The following CROCC2 variants were observed in gnomAD, a reference collection of about 807,000 sequenced individuals.
The protein encoded by CROCC2 is ciliary rootlet coiled-coil protein 2.
A neutral mutation model predicts 177.6 loss-of-function variants in CROCC2; 163 were observed. The observed-to-expected ratio is 0.92, with a 90% confidence interval of 0.81 to 1.05. The LOEUF is 1.05. Ranked by LOEUF, CROCC2 falls within the 50% of genes least tolerant of loss-of-function variation. CROCC2 has a pLI of 0.00. For synonymous variants in CROCC2, 904 were observed against 787.3 expected (o/e 1.15, Z -2.48); for missense variants, 1,929 against 1,797.8 (o/e 1.07, Z -1.32).
Position 240,920,110 on chromosome 2 carries a change from C to T in CROCC2, c.357C>T (p.Ser119=). The T allele has an allele frequency of 5.7e-6, 4 of 702,436 alleles. No individual in the cohort carries two copies. Among genetic ancestry groups the T allele is most frequent in the Non-Finnish European group, 7.9e-6 (3 of 378,206 alleles). The allele number at this position is 702,436 out of a possible 1,614,324, so 43.5% of individuals were successfully genotyped here. A position where few individuals can be genotyped will look rare whatever the true frequency, so the allele number is the denominator to read the frequency against. ...QASAERDELA[S]RCRVVSEQLQ... ...GCGCCGAGCGAGATGAGCTGGCCAG[C>T]AGGTGCCGTGTGGTCAGCGAGCAGG... The change falls in exon 3 of 32, where the codon AGC becomes AGT. Residue 119 remains serine (S), a synonymous_variant. Coordinates refer to ENST00000690015, the MANE Select transcript of CROCC2 (RefSeq NM_001351305.2).
intron 20 of CROCC2, among the ~76,000 whole-genome samples, chr2:240,961,662 TACAC>T (rs1460516385): frequency 1.0e-5 from 1 of 99,010 alleles, no homozygotes; most frequent in South Asian, 3.2e-4. Context: ...CACACACACG[TACAC>T]ACACACGTAG....
intron 31 of CROCC2, 109 bp downstream of exon 31, chr2:240,991,387 C>A: frequency 2.1e-6 from 2 of 953,734 alleles, no homozygotes; most frequent in Non-Finnish European, 3.0e-6. Context: ...CTGGGGGAAC[C>A]ACTGTTGGGA....
chr2:240,944,580 C>A (rs1014706034), intron 14 of CROCC2, among the ~76,000 whole-genome samples: 1 of 151,994 alleles, frequency 6.6e-6, no homozygotes, highest in African/African-American at 2.4e-5. Context: ...TCTGTCTAAT[C>A]TGCCATTGTC....
At chr2:240,957,803 A>G (rs2059602484) in intron 19 of CROCC2, among the ~76,000 whole-genome samples, 1 of 151,980 alleles carries the variant, frequency 6.6e-6, no homozygotes, top group South Asian at 2.1e-4. Context: ...GGAGGGTTCC[A>G]CGGGGCCCAG....
intron 1 of CROCC2, among the ~76,000 whole-genome samples, chr2:240,911,383 G>A (rs568722291): frequency 6.9e-6 from 1 of 144,194 alleles, no homozygotes; most frequent in Admixed American, 7.3e-5. Flanking sequence ...AGCAGCCTCC[G>A]CCCTCCCATC....
At chr2:240,957,396 T>G (rs558297621) in intron 19 of CROCC2, 3 of 152,422 alleles carry the variant, frequency 2.0e-5, no homozygotes, top group African/African-American at 7.2e-5. Context: ...CAGTGTGCAG[T>G]GAACAGAACA....
chr2:240,963,295 C>G (rs2059655348), intron 20 of CROCC2: 3 of 503,324 alleles, frequency 6.0e-6, no homozygotes, highest in Non-Finnish European at 1.1e-5. Flanking sequence ...TCCAGAGAGG[C>G]CGCAGCGTGG....
rs1415904233 is a variant in CROCC2, at chr2:240,931,076, A to T, written c.895A>T (p.Met299Leu). The T allele has an allele frequency of 4.2e-6, 3 of 716,058 alleles. No homozygotes were observed. In the East Asian group the frequency reaches 8.0e-5, roughly 19 times the overall value. 44.4% of individuals were successfully genotyped at this position (716,058 alleles called of 1,614,324 possible). A position where few individuals can be genotyped will look rare whatever the true frequency, so the allele number is the denominator to read the frequency against. ...GCAGCTTCGGGACAAGGCTGGGGAG[A>T]TGCTGCAGCTGCAGGGCCGCTGGGA... ...GQQLRDKAGE[M>L]LQLQGRWDAE... is the part of the protein sequence containing the mutation. Residue 299 changes from methionine (M) to leucine (L), a missense_variant, in exon 7 of 32, where the codon ATG (methionine) becomes TTG (leucine). Transcript: ENST00000690015.
At chr2:240,929,799 A>G in intron 5 of CROCC2, 1 of 488,906 alleles carries the variant, frequency 2.0e-6, no homozygotes, top group Non-Finnish European at 4.0e-6. Context: ...AGCAGGGGCC[A>G]GGCCTGGTTC....
Position 240,982,768 on chromosome 2 carries a change from A to G in CROCC2, c.4402-112A>G. 1.1e-6 allele frequency: 1 copy of G among 900,710 alleles called. No homozygotes were observed. The highest frequency in any genetic ancestry group is 1.7e-6 in the Non-Finnish European group (1 of 602,344). The allele number at this position is 900,710 out of a possible 1,614,324, so 55.8% of individuals were successfully genotyped here. A position where few individuals can be genotyped will look rare whatever the true frequency, so the allele number is the denominator to read the frequency against. ...ACCACGTTCTTGCTGTTTTCATCCC[A>G]GCGATACGGTCCTGCCAGACGGTCT... On this transcript the variant is annotated intron_variant, in intron 27 of 31. Transcript: ENST00000690015. This position sits in a 1 kb window ranked among gnomAD's most constrained non-coding sequence, Gnocchi z 4.7.
At position 240,920,112 on chromosome 2, in the gene CROCC2, G is replaced by A; in HGVS notation, c.359G>A (p.Arg120Lys). The change falls in exon 3 of 32, where the codon AGG becomes AAG. Residue 120 changes from arginine (R) to lysine (K), a missense_variant. Arg to Lys is a conservative substitution (Grantham distance 26). Coordinates refer to ENST00000690015, the MANE Select transcript of CROCC2 (RefSeq NM_001351305.2). ...GCCGAGCGAGATGAGCTGGCCAGCAGGTGCCGTGTGGTCAGCGAGCAGGTG... is the reference window on the plus strand; with the variant it reads ...GCCGAGCGAGATGAGCTGGCCAGCAAGTGCCGTGTGGTCAGCGAGCAGGTG... Reference protein sequence around the residue: ...ASAERDELASRCRVVSEQLQA... With the variant: ...ASAERDELASKCRVVSEQLQA... 2 of 699,740 alleles carry A rather than the reference G, an allele frequency of 2.9e-6. No homozygotes were observed. The highest frequency in any genetic ancestry group is 5.3e-6 in the Non-Finnish European group (2 of 376,438). 43.3% of individuals were successfully genotyped at this position (699,740 alleles called of 1,614,324 possible).
Position 240,967,372 on chromosome 2 carries a change from C to T in CROCC2, c.4174C>T (p.Leu1392=), listed in dbSNP as rs945765924. The T allele has an allele frequency of 1.7e-5, 13 of 786,728 alleles. No individual in the cohort carries two copies. The highest frequency in any genetic ancestry group is 2.4e-5 in the Non-Finnish European group (11 of 450,562). The allele number at this position is 786,728 out of a possible 1,614,324, so 48.7% of individuals were successfully genotyped here. The change falls in exon 26 of 32, where the codon CTG becomes TTG. Residue 1392 remains leucine, a synonymous_variant. Transcript: ENST00000690015. ...RDDSRIQMAT[L]SSRLSEAECR... is the part of the protein sequence containing the mutation. ...TGACTCCCGCATCCAGATGGCGACC[C>T]TGAGCAGCCGGCTGAGCGAGGCAGA...
rs2059543048 is a variant in CROCC2 at position 240,949,815 on chromosome 2, C to T, written c.2652+113C>T. On this transcript the variant is annotated intron_variant, in intron 17 of 31. Transcript: ENST00000690015. This position sits in a 1 kb window ranked among gnomAD's most constrained non-coding sequence, Gnocchi z 4.5. ...GAGACAGAGCTCAGAGACATAGGCG[C>T]CTGGCCAGGGCTGGGCAAGGACCAG... 1 of 1,163,198 alleles carries T rather than the reference C, an allele frequency of 8.6e-7. No individual in the cohort carries two copies. Among genetic ancestry groups the T allele is most frequent in the Non-Finnish European group, 1.2e-6 (1 of 836,300 alleles). The allele number at this position is 1,163,198 out of a possible 1,614,324, so 72.1% of individuals were successfully genotyped here.
At chr2:240,961,803 A>ACACTCACACTCACACATG (rs879366140) in intron 20 of CROCC2, among the ~76,000 whole-genome samples, 1 of 76,168 alleles carries the variant, frequency 1.3e-5, no homozygotes, top group Admixed American at 1.3e-4. Flanking sequence ...ACTCACACAT[A>ACACTCACACTCACACATG]CACTCACATA....
intron 28 of CROCC2, among the ~76,000 whole-genome samples, chr2:240,983,928 G>T (rs1351153093): frequency 6.6e-6 from 1 of 152,152 alleles, no homozygotes; most frequent in Non-Finnish European, 1.5e-5. Context: ...CTCCCCAGGG[G>T]TGTGCCCTGC....
chr2:240,941,930 T>C (rs936476120), intron 14 of CROCC2, among the ~76,000 whole-genome samples: 1 of 152,210 alleles, frequency 6.6e-6, no homozygotes, highest in Non-Finnish European at 1.5e-5. Context: ...GCATCATTTG[T>C]GTCTCACTTT....
chr2:240,962,556 G>C (rs555031264), intron 20 of CROCC2, among the ~76,000 whole-genome samples: 1 of 152,148 alleles, frequency 6.6e-6, no homozygotes, highest in Non-Finnish European at 1.5e-5. Context: ...CGGCAGCCTC[G>C]GGAGCCAGGC....
intron 15 of CROCC2, 49 bp downstream of exon 15, chr2:240,946,302 C>T: frequency 6.8e-7 from 1 of 1,471,726 alleles, no homozygotes; most frequent in Non-Finnish European, 9.1e-7. Context: ...TCCTTGCCCA[C>T]AGAGAGTCTG....
chr2:240,990,535 C>A (rs1244958125), intron 30 of CROCC2, among the ~76,000 whole-genome samples: 4 of 152,156 alleles, frequency 2.6e-5, no homozygotes, highest in African/African-American at 4.8e-5. Flanking sequence ...AATTTATTAG[C>A]AAAAGGACAT....
Sources: gnomAD v4.1 joint callset for allele counts (sites outside exome capture counted in the v4.1 genomes callset) on GRCh38, gnomAD v4.1.1 for gene constraint, Gnocchi (gnomAD v3.1) non-coding constraint, MANE v1.5 for transcripts, NCBI Gene and HGNC (gene_info 2026-07-23, HGNC 2026-07-21) for gene names.